Variants in CTNNA3 observed in about 807,000 individuals in gnomAD.
The protein encoded by CTNNA3 is catenin alpha-3.
CTNNA3 carries 76 observed loss-of-function variants against 95.7 expected under a neutral mutation model. That is an observed-to-expected ratio of 0.79 (90% CI 0.66 to 0.96). The LOEUF (loss-of-function observed/expected upper bound fraction) is 0.96. Among genes scored for constraint, CTNNA3 ranks in the 40% least tolerant of loss-of-function variants. CTNNA3 has a pLI of 0.00. For synonymous variants in CTNNA3, 431 were observed against 374.4 expected (o/e 1.15, Z -1.74); for missense variants, 1,191 against 1,089.8 (o/e 1.09, Z -1.31).
At chr10:67,178,158 C>T (rs1210419398) in intron 7 of CTNNA3, among the ~76,000 whole-genome samples, 1 of 152,140 alleles carries the variant, frequency 6.6e-6, no homozygotes, top group African/African-American at 2.4e-5. Context: ...TACTGCCACC[C>T]TTTATTCCTT....
In CTNNA3 at chr10:66,610,246, G is replaced by C. The variant is rs148910724; in HGVS notation, c.1374+11446C>G. 6.8e-3 allele frequency among the ~76,000 whole-genome samples: 762 copies of C among 112,632 alleles called. 6 individuals carry two copies. Among genetic ancestry groups the C allele is most frequent in the Non-Finnish European group, 7.4e-3 (425 of 57,558 alleles). The allele number at this position is 112,632 out of a possible 152,430, so 73.9% of individuals were successfully genotyped here. A position where few individuals can be genotyped will look rare whatever the true frequency, so the allele number is the denominator to read the frequency against. On this transcript the variant is annotated intron_variant, in intron 10 of 17. Coordinates refer to ENST00000433211, the MANE Select transcript of CTNNA3 (RefSeq NM_013266.4). ...AGTTTTTGTGTAAAAATACCCATGG[G>C]GGGGCTATGTTCCTGGAGCAATGCT... is the stretch of plus-strand genomic sequence containing the variant.
At chr10:67,555,889 G>A (rs961945372) in intron 3 of CTNNA3, among the ~76,000 whole-genome samples, 2 of 152,114 alleles carry the variant, frequency 1.3e-5, no homozygotes, top group Non-Finnish European at 2.9e-5. Flanking sequence ...TTGGCTGTGG[G>A]TTTTCATACA....
intron 5 of CTNNA3, among the ~76,000 whole-genome samples, chr10:67,292,114 C>A (rs1450179940): frequency 6.6e-6 from 1 of 152,178 alleles, no homozygotes; most frequent in East Asian, 1.9e-4. Context: ...GGGCAGGACT[C>A]TCTCTTGAAT....
intron 5 of CTNNA3, among the ~76,000 whole-genome samples, chr10:67,495,169 C>A (rs886147763): frequency 1.3e-5 from 2 of 152,128 alleles, no homozygotes; most frequent in Non-Finnish European, 2.9e-5. Context: ...TGTACCCACA[C>A]ACACCGCCAT....
chr10:67,170,178 T>C (rs980798249), intron 7 of CTNNA3, among the ~76,000 whole-genome samples: 7 of 152,204 alleles, frequency 4.6e-5, no homozygotes, highest in African/African-American at 1.7e-4. Flanking sequence ...GGTAGGAGTG[T>C]AAGTTAATTC....
intron 15 of CTNNA3, among the ~76,000 whole-genome samples, chr10:66,025,834 A>G (rs920575080): frequency 9.9e-5 from 15 of 152,190 alleles, no homozygotes; most frequent in African/African-American, 3.6e-4. Context: ...ATAATTTAAA[A>G]ATGTGTCTAT....
At chr10:66,166,298 C>T (rs1378447079) in intron 13 of CTNNA3, among the ~76,000 whole-genome samples, 1 of 151,620 alleles carries the variant, frequency 6.6e-6, no homozygotes, top group Non-Finnish European at 1.5e-5. Flanking sequence ...ATGGTGAAAC[C>T]TGTCTCTACT....
At chr10:67,610,632 G>A (rs1290181884) in intron 2 of CTNNA3, among the ~76,000 whole-genome samples, 1 of 152,204 alleles carries the variant, frequency 6.6e-6, no homozygotes, top group East Asian at 1.9e-4. Flanking sequence ...GGCGCTATTT[G>A]AAAAGGTCTC....
At chr10:66,242,674 C>G (rs1285619082) in intron 13 of CTNNA3, among the ~76,000 whole-genome samples, 2 of 152,142 alleles carry the variant, frequency 1.3e-5, no homozygotes, top group Non-Finnish European at 2.9e-5. Flanking sequence ...TTATGTATTG[C>G]TCATGGGAGT....
chr10:67,182,939 T>G (rs370354396), intron 6 of CTNNA3, among the ~76,000 whole-genome samples: 1 of 152,056 alleles, frequency 6.6e-6, no homozygotes, highest in Non-Finnish European at 1.5e-5. Context: ...CATGAAAAAA[T>G]GCTCATCATC....
chr10:66,215,672 T>C (rs920157287), intron 13 of CTNNA3, among the ~76,000 whole-genome samples: 2 of 152,076 alleles, frequency 1.3e-5, no homozygotes, highest in Non-Finnish European at 2.9e-5. Flanking sequence ...AAAAGAAAAC[T>C]ATAAGGTTTA....
intron 7 of CTNNA3, among the ~76,000 whole-genome samples, chr10:67,077,113 G>A (rs1856785154): frequency 6.6e-6 from 1 of 152,020 alleles, no homozygotes. Flanking sequence ...AATCACTCCT[G>A]AAACCTGCTA....
intron 9 of CTNNA3, among the ~76,000 whole-genome samples, chr10:66,644,847 C>T (rs372765095): frequency 6.6e-6 from 1 of 152,228 alleles, no homozygotes; most frequent in African/African-American, 2.4e-5. Context: ...TTGAACAGTT[C>T]CCACACCACA....
intron 7 of CTNNA3, among the ~76,000 whole-genome samples, chr10:66,919,328 C>T (rs1846671253): frequency 6.6e-6 from 1 of 151,972 alleles, no homozygotes; most frequent in Non-Finnish European, 1.5e-5. Context: ...ACCTTTCCTA[C>T]TGAAAGGAAG....
chr10:67,196,613 C>T (rs1028899772), intron 6 of CTNNA3, among the ~76,000 whole-genome samples: 8 of 151,988 alleles, frequency 5.3e-5, no homozygotes, highest in South Asian at 4.2e-4. Context: ...AAGGTAGTAA[C>T]GTCTTCTCCT....
At chr10:67,368,904 G>A (rs1023781951) in intron 5 of CTNNA3, among the ~76,000 whole-genome samples, 1 of 152,180 alleles carries the variant, frequency 6.6e-6, no homozygotes, top group Non-Finnish European at 1.5e-5. Flanking sequence ...AGACGGGCAA[G>A]AGAAAACTTT....
intron 17 of CTNNA3, among the ~76,000 whole-genome samples, chr10:65,939,096 G>A (rs1477798135): frequency 2.6e-5 from 4 of 151,898 alleles, no homozygotes; most frequent in Admixed American, 6.6e-5. Context: ...TAGTAGAGAC[G>A]GGGTTTCATC....
intron 12 of CTNNA3, among the ~76,000 whole-genome samples, chr10:66,367,590 A>G (rs2092719009): frequency 6.7e-6 from 1 of 149,772 alleles, no homozygotes; most frequent in African/African-American, 2.4e-5. Context: ...GCCATGTGAC[A>G]CTAAAATCTG....
intron 10 of CTNNA3, among the ~76,000 whole-genome samples, chr10:66,611,486 A>C (rs1260631182): frequency 6.6e-6 from 1 of 152,154 alleles, no homozygotes; most frequent in African/African-American, 2.4e-5. Context: ...CTTTATGGTA[A>C]AAAGTCTGCA....
Sources: gnomAD v4.1 joint callset for allele counts (sites outside exome capture counted in the v4.1 genomes callset) on GRCh38, gnomAD v4.1.1 for gene constraint, MANE v1.5 for transcripts, NCBI Gene and HGNC (gene_info 2026-07-23, HGNC 2026-07-21) for gene names.